The following SLC8A1 variants were observed in gnomAD, a reference collection of about 807,000 sequenced individuals.
The protein encoded by SLC8A1 is solute carrier family 8 member A1.
Under a neutral mutation model 68.3 loss-of-function variants are expected in SLC8A1, and 18 were observed. The observed-to-expected ratio is 0.26, with a 90% confidence interval of 0.18 to 0.39. The LOEUF is 0.39. Among genes scored for constraint, SLC8A1 ranks in the 10% least tolerant of loss-of-function variants. The pLI is 1.00. For synonymous variants in SLC8A1, 475 were observed against 415.5 expected, an observed-to-expected ratio of 1.14 and a Z score of -1.74; for missense variants, 985 against 1,156.7, an observed-to-expected ratio of 0.85 and a Z score of 2.15.
At chr2:40,286,022 T>A (rs1343068324) in intron 2 of SLC8A1, among the ~76,000 whole-genome samples, 1 of 152,124 alleles carries the variant, frequency 6.6e-6, no homozygotes, top group East Asian at 1.9e-4. Context: ...AAGTGCTCCC[T>A]AGGAGCCAGA....
intron 2 of SLC8A1, among the ~76,000 whole-genome samples, chr2:40,335,428 T>G (rs991719977): frequency 2.6e-5 from 4 of 152,232 alleles, no homozygotes; most frequent in African/African-American, 9.6e-5. Context: ...CAAAAGTGGT[T>G]AGTCTATAAC....
intron 1 of SLC8A1, among the ~76,000 whole-genome samples, chr2:40,495,041 A>G (rs765984338): frequency 6.6e-6 from 1 of 151,902 alleles, no homozygotes; most frequent in African/African-American, 2.4e-5. Context: ...CAAAAAAATC[A>G]TACTGCTGGG....
chr2:40,424,354 T>C (rs750084227), intron 2 of SLC8A1, among the ~76,000 whole-genome samples: 3 of 151,784 alleles, frequency 2.0e-5, no homozygotes, highest in Non-Finnish European at 4.4e-5. Context: ...GAGAATTCTA[T>C]AGAATTCTCT....
At chr2:40,234,256 G>C (rs1454216793) in intron 2 of SLC8A1, among the ~76,000 whole-genome samples, 1 of 151,516 alleles carries the variant, frequency 6.6e-6, no homozygotes, top group Non-Finnish European at 1.5e-5. Flanking sequence ...CCATTTGTTT[G>C]TTTCCTCTTT....
Position 40,190,720 on chromosome 2 carries a change from G to C in SLC8A1, c.1809-12865C>G, listed in dbSNP as rs562837285. ...TCTTGGCCTGAAAGATCTTTGACCT[G>C]AAACAAAACTACAACATCCACAGAA... On this transcript the variant is annotated intron_variant, in intron 2 of 7. Transcript: ENST00000406785. 4 of 152,168 alleles carry C rather than the reference G, an allele frequency of 2.6e-5. No homozygotes were observed. In the South Asian group the frequency reaches 8.3e-4, roughly 32 times the overall value. 9.4% of individuals were successfully genotyped at this position (152,168 alleles called of 1,614,324 possible).
chr2:40,480,726 G>A (rs1704575352), intron 1 of SLC8A1, among the ~76,000 whole-genome samples: 1 of 152,154 alleles, frequency 6.6e-6, no homozygotes, highest in South Asian at 2.1e-4. Flanking sequence ...CATGTCAAGT[G>A]CTCTAGAAAT....
chr2:40,452,039 G>GGCGGCGGCGGGCTGACTACCGT lies in SLC8A1; in HGVS notation c.-182_-161dup, dbSNP rs1448784631. 6.6e-5 allele frequency: 10 copies of GGCGGCGGCGGGCTGACTACCGT among 150,724 alleles called. No individual in the cohort carries two copies. The East Asian group carries it at 1.9e-3, about 29-fold the overall frequency. 9.3% of individuals were successfully genotyped at this position (150,724 alleles called of 1,614,324 possible). A position where few individuals can be genotyped will look rare whatever the true frequency, so the allele number is the denominator to read the frequency against. ...CTTCTGTGGGAAGCACAAAGCAGGC[G>GGCGGCGGCGGGCTGACTACCGT]GCGGCGGCGGGCTGACTACCGTGCA... is the stretch of plus-strand genomic sequence containing the variant. On this transcript the variant is annotated 5_prime_UTR_variant, in exon 1 of 8. Coordinates refer to ENST00000406785, the Ensembl canonical transcript of SLC8A1.
intron 2 of SLC8A1, among the ~76,000 whole-genome samples, chr2:40,373,915 G>T (rs947714415): frequency 6.6e-6 from 1 of 152,062 alleles, no homozygotes; most frequent in South Asian, 2.1e-4. Flanking sequence ...CCAAACAAGT[G>T]TGCATAAAAT....
chr2:40,346,527 T>G (rs945795084), intron 2 of SLC8A1, among the ~76,000 whole-genome samples: 5 of 152,018 alleles, frequency 3.3e-5, no homozygotes, highest in African/African-American at 1.2e-4. Context: ...GCCGTCAGAG[T>G]TATTTTGACC....
At chr2:40,110,356 A>G (rs1158196840) in exon 8 of SLC8A1, 1 of 152,180 alleles carries the variant, frequency 6.6e-6, no homozygotes, top group Non-Finnish European at 1.5e-5. Flanking sequence ...TGGGAAGACA[A>G]CAAGATGGTT....
chr2:40,316,608 G>C (rs2074481435), intron 2 of SLC8A1, among the ~76,000 whole-genome samples: 1 of 151,960 alleles, frequency 6.6e-6, no homozygotes. Flanking sequence ...TAATGTATTA[G>C]GTCAGGGTCT....
chr2:40,375,353 C>T (rs555810792), intron 2 of SLC8A1, among the ~76,000 whole-genome samples: 20 of 152,016 alleles, frequency 1.3e-4, no homozygotes, highest in Non-Finnish European at 2.4e-4. Flanking sequence ...TTTTCCAATC[C>T]AATTAGGGAA....
At chr2:40,384,092 C>G (rs1185141680) in intron 2 of SLC8A1, among the ~76,000 whole-genome samples, 3 of 149,014 alleles carry the variant, frequency 2.0e-5, no homozygotes, top group Admixed American at 1.3e-4. Context: ...AAGAGCCCAT[C>G]TCTACAGTTT....
chr2:40,395,978 T>C (rs1371651761), intron 2 of SLC8A1, among the ~76,000 whole-genome samples: 1 of 152,192 alleles, frequency 6.6e-6, no homozygotes, highest in Admixed American at 6.6e-5. Context: ...AGCATATTTC[T>C]TATTATTTTC....
chr2:40,261,914 A>G (rs112073968), intron 2 of SLC8A1, among the ~76,000 whole-genome samples: 2,017 of 151,298 alleles, frequency 0.013, 20 homozygotes, highest in Middle Eastern at 0.078. Flanking sequence ...TACCTGTGTA[A>G]TATTTGCTCC....
chr2:40,199,013 T>C (rs561033000), intron 2 of SLC8A1, among the ~76,000 whole-genome samples: 1 of 151,704 alleles, frequency 6.6e-6, no homozygotes, highest in Non-Finnish European at 1.5e-5. Flanking sequence ...AGCTTCTTGA[T>C]GGAAGGCATT....
At chr2:40,287,823 T>C (rs996454389) in intron 2 of SLC8A1, among the ~76,000 whole-genome samples, 4 of 151,924 alleles carry the variant, frequency 2.6e-5, no homozygotes, top group African/African-American at 9.7e-5. Flanking sequence ...AAGGCATTTT[T>C]CCCTTTGCTC....
intron 2 of SLC8A1, among the ~76,000 whole-genome samples, chr2:40,273,812 A>G (rs545739216): frequency 2.6e-5 from 4 of 152,010 alleles, no homozygotes; most frequent in Non-Finnish European, 5.9e-5. Flanking sequence ...GGGCACTTGC[A>G]CAATAAAGAG....
intron 2 of SLC8A1, among the ~76,000 whole-genome samples, chr2:40,427,321 C>T (rs1697134165): frequency 6.6e-6 from 1 of 152,022 alleles, no homozygotes; most frequent in African/African-American, 2.4e-5. Context: ...ATTTAAAGAG[C>T]ATGCATTCAC....
Sources: allele counts gnomAD v4.1 joint callset (sites outside exome capture counted in the v4.1 genomes callset), GRCh38; gene constraint gnomAD v4.1.1; transcripts MANE v1.5; gene names NCBI Gene and HGNC (gene_info 2026-07-23, HGNC 2026-07-21).